TMEM245: variants seen among roughly 807,000 people sequenced by gnomAD.
TMEM245 encodes the protein transmembrane protein 245.
In TMEM245, 69 loss-of-function variants were observed where a neutral mutation model predicts 101.2. The observed-to-expected ratio is 0.68, with a 90% CI of 0.56 to 0.83. The LOEUF (loss-of-function observed/expected upper bound fraction) is 0.83, where lower values mean the gene tolerates loss of function less well. Ranked by LOEUF, TMEM245 falls within the 40% of genes least tolerant of loss-of-function variation. TMEM245 has a pLI of 0.00. For missense variants in TMEM245, 1,075 were observed against 1,092.8 expected (o/e 0.98, Z 0.23); for synonymous variants, 537 against 449.8 (o/e 1.19, Z -2.45).
chr9:109,097,175 A>G (rs531701913), intron 3 of TMEM245, among the ~76,000 whole-genome samples: 1 of 152,244 alleles, frequency 6.6e-6, no homozygotes, highest in Non-Finnish European at 1.5e-5. Flanking sequence ...TAGATAAAGA[A>G]GACAGAACAG....
chr9:109,119,892 T>G lies in TMEM245; in HGVS notation c.22A>C (p.Lys8Gln). The stretch of plus-strand genomic sequence containing the variant: ...GAGCTCCGCAGGCTTGGCGCGTCCT[T>G]AGGGCCGCCGCCGTCGGCCATCGTT... MADGGGP[K>Q]DAPSLRSSPG... Residue 8 changes from lysine to glutamine, a missense_variant, in exon 1 of 18, where the codon AAG becomes CAG. Coordinates refer to ENST00000374586, the MANE Select transcript of TMEM245 (RefSeq NM_032012.4). The G allele has an allele frequency of 1.6e-6, 2 of 1,274,082 alleles. No individual in the cohort carries two copies. Among genetic ancestry groups the G allele is most frequent in the Non-Finnish European group, 2.0e-6 (2 of 1,015,692 alleles). The allele number at this position is 1,274,082 out of a possible 1,614,324, so 78.9% of individuals were successfully genotyped here.
intron 1 of TMEM245, among the ~76,000 whole-genome samples, chr9:109,115,606 T>C (rs112022653): frequency 0.13 from 19,434 of 146,764 alleles, 1,549 homozygotes; most frequent in African/African-American, 0.19. Context: ...CCTGGGCTCA[T>C]TACAACCTCT....
rs779110872 is a variant in TMEM245 at position 109,119,560 on chromosome 9, G to A, written c.354C>T (p.Pro118=). The A allele has an allele frequency of 6.5e-7, 1 of 1,538,260 alleles. No homozygotes were observed. The highest frequency in any genetic ancestry group is 8.7e-7 in the Non-Finnish European group (1 of 1,147,104). ...WLQRLHRAHT[P]IVLAALLLPL... is the part of the protein sequence containing the mutation. Reference sequence around the variant, plus strand: ...GCAGGAGCAGCGCGGCCAGGACGATGGGCGTGTGCGCGCGGTGCAGGCGCT... The same window carrying A: ...GCAGGAGCAGCGCGGCCAGGACGATAGGCGTGTGCGCGCGGTGCAGGCGCT... Residue 118 remains proline, a synonymous_variant, in exon 1 of 18, where the codon CCC becomes CCT. Coordinates refer to ENST00000374586, the MANE Select transcript of TMEM245 (RefSeq NM_032012.4).
chr9:109,018,770 C>G lies in TMEM245; in HGVS notation c.*1690G>C, dbSNP rs112151886. On this transcript the variant is annotated 3_prime_UTR_variant, in exon 18 of 18. Coordinates refer to ENST00000374586, the MANE Select transcript of TMEM245 (RefSeq NM_032012.4). Reference sequence around the variant, plus strand: ...TTTTTCCTTGGGACAGTGTCTCACTCTCTCACCCAGGCTGGAGTGCAGTGG... The same window carrying G: ...TTTTTCCTTGGGACAGTGTCTCACTGTCTCACCCAGGCTGGAGTGCAGTGG... 1.3e-5 allele frequency: 2 copies of G among 151,950 alleles called. No individual in the cohort carries two copies. The highest frequency in any genetic ancestry group is 2.9e-5 in the Non-Finnish European group (2 of 68,004). 9.4% of individuals were successfully genotyped at this position (151,950 alleles called of 1,614,324 possible). A position where few individuals can be genotyped will look rare whatever the true frequency, so the allele number is the denominator to read the frequency against.
chr9:109,074,917 G>A (rs1041194952), intron 8 of TMEM245, among the ~76,000 whole-genome samples: 3 of 152,182 alleles, frequency 2.0e-5, no homozygotes, highest in African/African-American at 7.2e-5. Flanking sequence ...CAGGTGCAAT[G>A]CCTGAAAAAC....
At chr9:109,095,440 A>C (rs1830114313) in intron 3 of TMEM245, among the ~76,000 whole-genome samples, 1 of 152,232 alleles carries the variant, frequency 6.6e-6, no homozygotes, top group Non-Finnish European at 1.5e-5. Flanking sequence ...CTTGGGCAGA[A>C]GGAAAGCTGT....
At position 109,033,493 on chromosome 9, in the gene TMEM245, T is replaced by G; in HGVS notation, c.2408A>C (p.His803Pro). The part of the protein sequence containing the change: ...AIYSDISGGG[H>P]PYLTGLAVAG... ...CACTGCCAAGCCTGTCAGGTAAGGATGGCCACCTCTGGAATAAAGAGCACG... is the reference window on the plus strand; with the variant it reads ...CACTGCCAAGCCTGTCAGGTAAGGAGGGCCACCTCTGGAATAAAGAGCACG... Residue 803 changes from histidine (H) to proline (P), a missense_variant, in exon 17 of 18, where the codon CAT becomes CCT. Around this residue, in one of 2 missense-constraint regions of TMEM245, gnomAD observed 267 missense variants for 351.3 expected, o/e 0.76. Coordinates refer to ENST00000374586, the MANE Select transcript of TMEM245 (RefSeq NM_032012.4). 1 of 1,595,096 alleles carries G rather than the reference T, an allele frequency of 6.3e-7. No homozygotes were observed.
At chr9:109,089,174 T>C (rs1829927783) in intron 5 of TMEM245, among the ~76,000 whole-genome samples, 1 of 151,258 alleles carries the variant, frequency 6.6e-6, no homozygotes, top group Non-Finnish European at 1.5e-5. Flanking sequence ...GGCAGGAGGA[T>C]CACTTGAGCC....
rs1159196737 is a variant in TMEM245 at position 109,017,086 on chromosome 9, TG to T, written c.*3373del. 1 of 152,130 alleles carries T rather than the reference TG, an allele frequency of 6.6e-6. No individual in the cohort carries two copies. The highest frequency in any genetic ancestry group is 1.5e-5 in the Non-Finnish European group (1 of 68,016). 9.4% of individuals were successfully genotyped at this position (152,130 alleles called of 1,614,324 possible). A position where few individuals can be genotyped will look rare whatever the true frequency, so the allele number is the denominator to read the frequency against. On this transcript the variant is annotated 3_prime_UTR_variant, in exon 18 of 18. Transcript: ENST00000374586. Reference sequence around the variant, plus strand: ...TCCTGAGGCACTAATATAACCCAAATGGAAACTACAGGTCCTAGGAAATCCA... The same window carrying T: ...TCCTGAGGCACTAATATAACCCAAATGAAACTACAGGTCCTAGGAAATCCA...
At chr9:109,068,271 G>A (rs1410937480) in intron 9 of TMEM245, among the ~76,000 whole-genome samples, 2 of 151,696 alleles carry the variant, frequency 1.3e-5, no homozygotes, top group Non-Finnish European at 2.9e-5. Context: ...TCGGGAGGCT[G>A]AGGCAGGAGA....
chr9:109,085,392 C>T (rs1829800956), intron 7 of TMEM245, among the ~76,000 whole-genome samples: 2 of 152,154 alleles, frequency 1.3e-5, no homozygotes, highest in East Asian at 1.9e-4. Flanking sequence ...TATTATAATG[C>T]CATACCAATC....
chr9:109,032,083 C>T (rs144660054), intron 17 of TMEM245, among the ~76,000 whole-genome samples: 4 of 152,272 alleles, frequency 2.6e-5, no homozygotes, highest in Admixed American at 6.5e-5. Flanking sequence ...CCAGTTCTGG[C>T]GGAACTGCTT....
chr9:109,086,153 C>T (rs80151143), intron 6 of TMEM245, 133 bp from the exon 7 acceptor site: 4 of 847,910 alleles, frequency 4.7e-6, no homozygotes, highest in South Asian at 3.3e-5. Flanking sequence ...AAACTAGGGA[C>T]GGAAAAACTG....
intron 9 of TMEM245, among the ~76,000 whole-genome samples, chr9:109,071,554 T>C (rs1202368570): frequency 6.6e-6 from 1 of 150,656 alleles, no homozygotes; most frequent in Non-Finnish European, 1.5e-5. Flanking sequence ...CAGTGAGACA[T>C]GATTGTGCCA....
chr9:109,033,197 G>A, intron 17 of TMEM245, 110 bp downstream of exon 17: 1 of 1,179,978 alleles, frequency 8.5e-7, no homozygotes, highest in Non-Finnish European at 1.2e-6. Flanking sequence ...CACAGCATTG[G>A]TACTCAAATA....
intron 5 of TMEM245, 80 bp downstream of exon 5, chr9:109,090,838 CTCAA>C: frequency 7.9e-7 from 1 of 1,258,910 alleles, no homozygotes; most frequent in Admixed American, 2.4e-5. Flanking sequence ...GTAAATGTAT[CTCAA>C]ATATTAAAAT....
intron 11 of TMEM245, among the ~76,000 whole-genome samples, chr9:109,057,925 C>CTTTTTTTTTT (rs35332085): frequency 3.5e-5 from 4 of 112,742 alleles, no homozygotes; most frequent in East Asian, 2.8e-4. Context: ...CATTTACTTT[C>CTTTTTTTTTT]TTTTTTTTTT....
chr9:109,105,158 A>C (rs773971731), intron 3 of TMEM245, among the ~76,000 whole-genome samples: 1 of 152,228 alleles, frequency 6.6e-6, no homozygotes, highest in Non-Finnish European at 1.5e-5. Flanking sequence ...CAACAACAAA[A>C]AGGCAAACAA....
chr9:109,100,491 TTTTTA>T (rs968367967), intron 3 of TMEM245, among the ~76,000 whole-genome samples: 24 of 152,150 alleles, frequency 1.6e-4, no homozygotes, highest in African/African-American at 4.1e-4. Flanking sequence ...ACCCAGCTAA[TTTTTA>T]TTTTATTTTA....
Sources: gnomAD v4.1 joint callset for allele counts (sites outside exome capture counted in the v4.1 genomes callset) on GRCh38, gnomAD v4.1.1 for gene constraint, gnomAD v4.1.1 regional missense constraint, MANE v1.5 for transcripts, NCBI Gene and HGNC (gene_info 2026-07-23, HGNC 2026-07-21) for gene names.